ATG2B: variants seen among roughly 807,000 people sequenced by gnomAD.
ATG2B encodes the protein autophagy related 2B, also known as autophagy-related protein 2 homolog B.
Under a neutral mutation model 241.3 loss-of-function variants are expected in ATG2B, and 121 were observed. That is an observed-to-expected ratio of 0.50 (90% CI 0.43 to 0.58). The LOEUF is 0.58. Among genes scored for constraint, ATG2B ranks in the 20% least tolerant of loss-of-function variants. The pLI is 0.00. For missense variants in ATG2B, 2,306 were observed against 2,491.6 expected (o/e 0.93, Z 1.59); for synonymous variants, 858 against 876.6 (o/e 0.98, Z 0.37).
At position 96,289,754 on chromosome 14, in the gene ATG2B, C is replaced by T. The variant is rs758833442; in HGVS notation, c.5908G>A (p.Glu1970Lys). The T allele has an allele frequency of 7.4e-6, 12 of 1,614,002 alleles. No individual in the cohort carries two copies. Among genetic ancestry groups the T allele is most frequent in the Admixed American group, 1.7e-5 (1 of 60,006 alleles). Residue 1970 changes from glutamate (E) to lysine (K), a missense_variant, in exon 41 of 42, where the codon GAG becomes AAG. Glu to Lys is a moderately conservative substitution (Grantham distance 56). Around this residue, in one of 2 missense-constraint regions of ATG2B, gnomAD observed 379 missense variants for 480.4 expected, o/e 0.79. Coordinates refer to ENST00000359933, the MANE Select transcript of ATG2B (RefSeq NM_018036.7). The surrounding 1 kb of genome is among the most constrained non-coding windows in gnomAD (Gnocchi z 4.3). Reference protein sequence around the residue: ...DMVSPGTLSIEPKKTKRFPHH... With the variant: ...DMVSPGTLSIKPKKTKRFPHH... The stretch of plus-strand genomic sequence containing the variant: ...GGAAACCTTTTGGTCTTCTTGGGCT[C>T]GATAGAAAGGGTACCAGGAGACACC...
chr14:96,319,936 T>C (rs1337837734), intron 18 of ATG2B, among the ~76,000 whole-genome samples: 2 of 152,174 alleles, frequency 1.3e-5, no homozygotes, highest in East Asian at 3.8e-4. Context: ...GAGATTTATA[T>C]GATCCCAGAA....
Position 96,279,626 on chromosome 14 carries a change from G to C in ATG2B, c.*6129C>G, listed in dbSNP as rs1454643205. Reference sequence around the variant, plus strand: ...AACAGAGAGGAAGGGAGGGTGGCCAGGCTGCCTGAAGTGGAGCCTCCGGGC... The same window carrying C: ...AACAGAGAGGAAGGGAGGGTGGCCACGCTGCCTGAAGTGGAGCCTCCGGGC... On this transcript the variant is annotated 3_prime_UTR_variant, in exon 42 of 42. Coordinates refer to ENST00000359933, the MANE Select transcript of ATG2B (RefSeq NM_018036.7). 6.6e-6 allele frequency: 1 copy of C among 152,066 alleles called. No individual in the cohort carries two copies. The highest frequency in any genetic ancestry group is 1.5e-5 in the Non-Finnish European group (1 of 68,068). 9.4% of individuals were successfully genotyped at this position (152,066 alleles called of 1,614,324 possible). A position where few individuals can be genotyped will look rare whatever the true frequency, so the allele number is the denominator to read the frequency against.
At position 96,285,991 on chromosome 14, in the gene ATG2B, T is replaced by C. The variant is rs1886326748; in HGVS notation, c.6007-6A>G. On this transcript the variant is annotated splice_polypyrimidine_tract_variant and splice_region_variant and intron_variant, in intron 41 of 41. Transcript: ENST00000359933. This position sits in a 1 kb window ranked among gnomAD's most constrained non-coding sequence, Gnocchi z 4.2. ...TGAGCCGTGTCTGTGATTCCCTGCG[T>C]AGAGGAGGGAGGTAGGAGAGAGGAG... is the stretch of plus-strand genomic sequence containing the variant. 3 of 1,605,288 alleles carry C rather than the reference T, an allele frequency of 1.9e-6. No homozygotes were observed. The highest frequency in any genetic ancestry group is 2.7e-5 in the African/African-American group (2 of 74,818).
intron 1 of ATG2B, among the ~76,000 whole-genome samples, chr14:96,352,116 G>T (rs1421242584): frequency 6.6e-6 from 1 of 152,120 alleles, no homozygotes; most frequent in Non-Finnish European, 1.5e-5. Flanking sequence ...TAGTGGTCCT[G>T]TAAGATTATA....
intron 30 of ATG2B, among the ~76,000 whole-genome samples, chr14:96,306,469 T>TA (rs1320886552): frequency 6.6e-6 from 1 of 152,140 alleles, no homozygotes; most frequent in Non-Finnish European, 1.5e-5. Flanking sequence ...TCTTACTATA[T>TA]AAAAAATCTG....
chr14:96,296,031 G>A (rs180738268), intron 34 of ATG2B, among the ~76,000 whole-genome samples: 7 of 152,164 alleles, frequency 4.6e-5, no homozygotes, highest in African/African-American at 1.4e-4. Context: ...TCGGCTCACT[G>A]CAAGCTCTGC....
Position 96,302,023 on chromosome 14 carries a change from C to T in ATG2B, c.5123G>A (p.Arg1708His), listed in dbSNP as rs750412776. 7 of 1,613,764 alleles carry T rather than the reference C, an allele frequency of 4.3e-6. No homozygotes were observed. Among genetic ancestry groups the T allele is most frequent in the East Asian group, 2.2e-5 (1 of 44,880 alleles). Residue 1708 changes from arginine to histidine, a missense_variant, in exon 34 of 42, where the codon CGC (arginine) becomes CAC (histidine). Physicochemically the swap from Arg to His is conservative, Grantham distance 29. Around this residue, in one of 2 missense-constraint regions of ATG2B, gnomAD observed 379 missense variants for 480.4 expected, o/e 0.79. Coordinates refer to ENST00000359933, the MANE Select transcript of ATG2B (RefSeq NM_018036.7). The stretch of plus-strand genomic sequence containing the variant: ...GCTACAAACCTGGTCAATATTGAGG[C>T]GGAGCGGCATCAGCGACACTCTCAA... ...CCLRVSLMPL[R>H]LNIDQDALFF...
At chr14:96,353,346 T>G (rs1286756264) in intron 1 of ATG2B, among the ~76,000 whole-genome samples, 1 of 152,142 alleles carries the variant, frequency 6.6e-6, no homozygotes. Flanking sequence ...CATACTGGGC[T>G]GGGCATGGTG....
At chr14:96,361,927 T>G (rs1480565700) in intron 1 of ATG2B, among the ~76,000 whole-genome samples, 5 of 152,110 alleles carry the variant, frequency 3.3e-5, no homozygotes, top group Admixed American at 6.5e-5. Context: ...GCTAAGGAAG[T>G]AAGGGTTGGG....
At chr14:96,355,903 G>A (rs1185089503) in intron 1 of ATG2B, among the ~76,000 whole-genome samples, 1 of 152,100 alleles carries the variant, frequency 6.6e-6, no homozygotes, top group African/African-American at 2.4e-5. Flanking sequence ...TGAGGGCGGT[G>A]GCTCACACCT....
At chr14:96,313,227 A>C in intron 24 of ATG2B, 70 bp from the exon 25 acceptor site, 2 of 1,387,412 alleles carry the variant, frequency 1.4e-6, no homozygotes, top group Non-Finnish European at 2.0e-6. Context: ...AAACAACAAC[A>C]ACAACAACAA....
chr14:96,359,858 A>G (rs1888577639), intron 1 of ATG2B, among the ~76,000 whole-genome samples: 1 of 152,230 alleles, frequency 6.6e-6, no homozygotes, highest in Admixed American at 6.5e-5. Flanking sequence ...GAGACATTCT[A>G]TATTAAATTT....
chr14:96,328,281 A>T, intron 14 of ATG2B, 66 bp downstream of exon 14: 2 of 1,123,902 alleles, frequency 1.8e-6, no homozygotes, highest in East Asian at 4.8e-5. Context: ...AAGTTCAGAA[A>T]TTATCTCAAT....
chr14:96,356,874 C>T (rs915568365), intron 1 of ATG2B, among the ~76,000 whole-genome samples: 2 of 152,042 alleles, frequency 1.3e-5, no homozygotes, highest in Non-Finnish European at 2.9e-5. Flanking sequence ...AAGTTAGTAC[C>T]CAATTTAGAG....
intron 24 of ATG2B, 27 bp downstream of exon 24, chr14:96,313,302 T>C: frequency 6.7e-7 from 1 of 1,494,734 alleles, no homozygotes; most frequent in Non-Finnish European, 9.1e-7. Flanking sequence ...TAAATAAAAC[T>C]TTATTTTGTT....
At position 96,363,034 on chromosome 14, in the gene ATG2B, G is replaced by C; in HGVS notation, c.-58C>G. ...GCGGGTTGCGACGGCTCCGGCCTCGGGGTAGCGACTCCGGCTCCAGGCCGC... is the reference window on the plus strand; with the variant it reads ...GCGGGTTGCGACGGCTCCGGCCTCGCGGTAGCGACTCCGGCTCCAGGCCGC... On this transcript the variant is annotated 5_prime_UTR_variant, in exon 1 of 42. Coordinates refer to ENST00000359933, the MANE Select transcript of ATG2B (RefSeq NM_018036.7). 5 of 1,599,676 alleles carry C rather than the reference G, an allele frequency of 3.1e-6. No homozygotes were observed. The highest frequency in any genetic ancestry group is 4.3e-6 in the Non-Finnish European group (5 of 1,171,392).
chr14:96,358,709 C>T lies in ATG2B; in HGVS notation c.162+4106G>A, dbSNP rs527617937. Among the ~76,000 whole-genome samples, 59 of 151,754 alleles carry T rather than the reference C, an allele frequency of 3.9e-4. 1 individual carries two copies. In the South Asian group the frequency reaches 0.012, roughly 31 times the overall value. On this transcript the variant is annotated intron_variant, in intron 1 of 41. Transcript: ENST00000359933. ...TTCTCAACCTACTTGGCTCAAGCAA[C>T]ATTTTCCACACCAGTCCTATGAAGT... is the stretch of plus-strand genomic sequence containing the variant.
chr14:96,298,521 G>A (rs1359530869), intron 34 of ATG2B, among the ~76,000 whole-genome samples: 1 of 152,154 alleles, frequency 6.6e-6, no homozygotes, highest in African/African-American at 2.4e-5. Flanking sequence ...CAAAACCATG[G>A]AACAACCTCA....
chr14:96,316,998 A>G, intron 20 of ATG2B, 147 bp downstream of exon 20: 1 of 787,152 alleles, frequency 1.3e-6, no homozygotes, highest in South Asian at 2.0e-5. Context: ...AGTTGCTATC[A>G]TCATGGTTTG....
Sources: gnomAD v4.1 joint callset for allele counts (sites outside exome capture counted in the v4.1 genomes callset) on GRCh38, gnomAD v4.1.1 for gene constraint, gnomAD v4.1.1 regional missense constraint, Gnocchi (gnomAD v3.1) non-coding constraint, MANE v1.5 for transcripts, NCBI Gene and HGNC (gene_info 2026-07-23, HGNC 2026-07-21) for gene names.